The following MYO7A variants were observed in gnomAD, a reference collection of about 807,000 sequenced individuals.
MYO7A encodes the protein myosin VIIA.
Under a neutral mutation model 263.8 loss-of-function variants are expected in MYO7A, and 210 were observed. The observed-to-expected ratio is 0.80, with a 90% confidence interval of 0.71 to 0.89. MYO7A has a LOEUF of 0.89. Among genes scored for constraint, MYO7A ranks in the 40% least tolerant of loss-of-function variants. MYO7A has a pLI of 0.00. For synonymous variants in MYO7A, 1,239 were observed against 1,197.3 expected (o/e 1.03, Z -0.72); for missense variants, 2,820 against 2,968.3 (o/e 0.95, Z 1.16).
At chr11:77,144,612 C>T (rs1951440212) in intron 3 of MYO7A, among the ~76,000 whole-genome samples, 1 of 152,108 alleles carries the variant, frequency 6.6e-6, no homozygotes, top group South Asian at 2.1e-4. Context: ...ATTCCATCCC[C>T]TCCCTCCCAA....
At chr11:77,157,112 GT>G in intron 7 of MYO7A, 108 bp downstream of exon 7, 1 of 1,489,448 alleles carries the variant, frequency 6.7e-7, no homozygotes, top group East Asian at 2.3e-5. Flanking sequence ...CCACCTGCCC[GT>G]ATTGCTGCCT....
chr11:77,175,497 G>C (rs543022784), intron 18 of MYO7A, 33 bp downstream of exon 18: 48 of 1,599,606 alleles, frequency 3.0e-5, no homozygotes, highest in Non-Finnish European at 3.4e-5. Flanking sequence ...GGCTGCCCTG[G>C]GGGGGCTGTA....
intron 15 of MYO7A, among the ~76,000 whole-genome samples, chr11:77,166,547 A>G (rs1489270160): frequency 2.6e-5 from 4 of 152,198 alleles, no homozygotes; most frequent in Non-Finnish European, 5.9e-5. Flanking sequence ...GCTGGCACAG[A>G]GGGCATGTCT....
chr11:77,143,419 C>T (rs1951347628), intron 3 of MYO7A, among the ~76,000 whole-genome samples: 1 of 152,206 alleles, frequency 6.6e-6, no homozygotes, highest in Non-Finnish European at 1.5e-5. Context: ...AAATTGGTCT[C>T]ACAGATTAAC....
intron 37 of MYO7A, among the ~76,000 whole-genome samples, chr11:77,202,691 G>A (rs1231598777): frequency 6.6e-6 from 1 of 152,014 alleles, no homozygotes; most frequent in Non-Finnish European, 1.5e-5. Flanking sequence ...GCTGGAAGCA[G>A]GCAGCTGGGA....
chr11:77,181,809 G>A, intron 23 of MYO7A, 142 bp from the exon 24 acceptor site: 2 of 659,320 alleles, frequency 3.0e-6, no homozygotes, highest in Non-Finnish European at 4.9e-6. Flanking sequence ...TTTTGAGATG[G>A]GGTCGTACCC....
At chr11:77,205,674 G>A (rs1452163159) in intron 40 of MYO7A, 57 bp downstream of exon 40, 1 of 1,602,906 alleles carries the variant, frequency 6.2e-7, no homozygotes, top group Non-Finnish European at 8.5e-7. Context: ...GGCCACGCGG[G>A]GCTTGTGGGA....
rs781834630 is a variant in MYO7A, at chr11:77,147,933, C to T, written c.268C>T (p.Arg90Trp). 6.4e-5 allele frequency: 100 copies of T among 1,556,386 alleles called. No individual in the cohort carries two copies. The highest frequency in any genetic ancestry group is 9.7e-5 in the Admixed American group (5 of 51,616). Reference sequence around the variant, plus strand: ...CTTGCGCAACCTGCTTATCCGCTACCGGGACCACCTCATCTACGTGAGTGC... The same window carrying T: ...CTTGCGCAACCTGCTTATCCGCTACTGGGACCACCTCATCTACGTGAGTGC... ...GILRNLLIRY[R>W]DHLIYTYTGS... The change falls in exon 4 of 49, where the codon CGG becomes TGG. Residue 90 changes from arginine (R) to tryptophan (W), a missense_variant. Transcript: ENST00000409709.
At chr11:77,204,030 C>T (rs1465958521) in intron 38 of MYO7A, 46 bp from the exon 39 acceptor site, 3 of 1,546,260 alleles carry the variant, frequency 1.9e-6, no homozygotes, top group Non-Finnish European at 2.6e-6. Context: ...GACCCCAGGC[C>T]AGTGCTCCCT....
chr11:77,211,045 T>G (rs944077045), intron 44 of MYO7A, 107 bp from the exon 45 acceptor site: 4 of 1,053,508 alleles, frequency 3.8e-6, no homozygotes, highest in Non-Finnish European at 5.4e-6. Context: ...TGGGCCCATG[T>G]GCGGGGTAAG....
At chr11:77,194,866 T>C (rs1435649615) in intron 32 of MYO7A, among the ~76,000 whole-genome samples, 1 of 152,118 alleles carries the variant, frequency 6.6e-6, no homozygotes, top group Non-Finnish European at 1.5e-5. Flanking sequence ...ACCTCCTTTT[T>C]CCTAAAAGAA....
chr11:77,172,670 C>T (rs922082704), intron 15 of MYO7A, 78 bp from the exon 16 acceptor site: 168 of 1,530,026 alleles, frequency 1.1e-4, no homozygotes, highest in Admixed American at 2.6e-4. Context: ...CCTCCCCTCC[C>T]GCTTCCTACT....
intron 40 of MYO7A, 62 bp from the exon 41 acceptor site, chr11:77,206,035 C>T: frequency 7.5e-7 from 1 of 1,333,616 alleles, no homozygotes; most frequent in Non-Finnish European, 1.1e-6. Context: ...TCCAAGTGTC[C>T]CGGTCCCCTG....
chr11:77,166,416 C>G (rs1163307101), intron 15 of MYO7A, among the ~76,000 whole-genome samples: 2 of 152,194 alleles, frequency 1.3e-5, no homozygotes, highest in African/African-American at 2.4e-5. Context: ...CAGAGCAGAA[C>G]CGGTCAGGGA....
At chr11:77,154,909 G>T (rs192176445) in intron 4 of MYO7A, among the ~76,000 whole-genome samples, 2,353 of 152,158 alleles carry the variant, frequency 0.015, 35 homozygotes, top group Middle Eastern at 0.051. Flanking sequence ...CTCCCTGCGT[G>T]GCCACAGTAG....
At chr11:77,185,050 G>A (rs1955562752) in intron 27 of MYO7A, 2 of 448,342 alleles carry the variant, frequency 4.5e-6, no homozygotes, top group Non-Finnish European at 8.3e-6. Flanking sequence ...TATAGTCTAT[G>A]AAGTATGAAA....
intron 43 of MYO7A, 40 bp from the exon 44 acceptor site, chr11:77,208,657 T>C (rs1565483251): frequency 6.5e-7 from 1 of 1,526,850 alleles, no homozygotes; most frequent in Non-Finnish European, 8.9e-7. Flanking sequence ...CACTCCTCTG[T>C]GCAGGGACCC....
At chr11:77,143,839 C>T (rs146814692) in intron 3 of MYO7A, among the ~76,000 whole-genome samples, 4 of 152,150 alleles carry the variant, frequency 2.6e-5, no homozygotes, top group South Asian at 2.1e-4. Context: ...CTGCTGGGGA[C>T]GACGGGAGGG....
rs1175210798 is a variant in MYO7A at position 77,208,749 on chromosome 11, C to T, written c.5997C>T (p.Thr1999=). 4.4e-6 allele frequency: 7 copies of T among 1,584,770 alleles called. No individual in the cohort carries two copies. The highest frequency in any genetic ancestry group is 6.0e-6 in the Non-Finnish European group (7 of 1,165,530). The change falls in exon 44 of 49, where the codon ACC becomes ACT. Residue 1999 remains threonine, a synonymous_variant. Transcript: ENST00000409709. ...TGTTCTTCATGAAGAAGCTGTGGACCACCACGGTGCCAGGGAAGGATCCCA... is the reference window on the plus strand; with the variant it reads ...TGTTCTTCATGAAGAAGCTGTGGACTACCACGGTGCCAGGGAAGGATCCCA... ...YQVFFMKKLW[T]TTVPGKDPMA... is the part of the protein sequence containing the mutation.
Sources: gnomAD v4.1 joint callset for allele counts (sites outside exome capture counted in the v4.1 genomes callset) on GRCh38, gnomAD v4.1.1 for gene constraint, MANE v1.5 for transcripts, NCBI Gene and HGNC (gene_info 2026-07-23, HGNC 2026-07-21) for gene names.